Variants in RPS6KC1 observed in about 807,000 individuals in gnomAD.
RPS6KC1 encodes the protein ribosomal protein S6 kinase C1.
RPS6KC1 carries 54 observed loss-of-function variants against 103.8 expected under a neutral mutation model. The observed-to-expected ratio is 0.52, with a 90% CI of 0.42 to 0.65. The LOEUF (loss-of-function observed/expected upper bound fraction) is 0.65, where lower values mean the gene tolerates loss of function less well. Among genes scored for constraint, RPS6KC1 ranks in the 30% least tolerant of loss-of-function variants. The probability of loss-of-function intolerance (pLI) is 0.00; values close to 1 mark genes in which losing one functional copy is unlikely to be tolerated. For missense variants in RPS6KC1, 1,151 were observed against 1,253.8 expected, an observed-to-expected ratio of 0.92 and a Z score of 1.24; for synonymous variants, 439 against 438.7, an observed-to-expected ratio of 1.00 and a Z score of -0.01.
chr1:213,298,129 CTT>C, the RPS6KC1 span, among the ~76,000 whole-genome samples: 2 of 152,236 alleles, frequency 1.3e-5, no homozygotes, highest in Non-Finnish European at 2.9e-5. Flanking sequence ...TGTCCTGAGA[CTT>C]TGCTTCAACA....
chr1:213,655,131 C>T, the RPS6KC1 span, among the ~76,000 whole-genome samples: 8 of 152,256 alleles, frequency 5.3e-5, no homozygotes, highest in South Asian at 2.1e-4. Context: ...CAGCCTCCCC[C>T]TCCCAGGCTC....
At chr1:213,753,724 A>C in the RPS6KC1 span, among the ~76,000 whole-genome samples, 2 of 152,236 alleles carry the variant, frequency 1.3e-5, no homozygotes, top group East Asian at 1.9e-4. Context: ...GCTGGAAGGC[A>C]CATCTATTTC....
At chr1:213,139,310 G>C (rs1164876962) in intron 6 of RPS6KC1, among the ~76,000 whole-genome samples, 1 of 152,002 alleles carries the variant, frequency 6.6e-6, no homozygotes, top group African/African-American at 2.4e-5. Flanking sequence ...TGTTTATTCT[G>C]TTGATAGTTT....
At chr1:213,601,525 G>A in the RPS6KC1 span, among the ~76,000 whole-genome samples, 22 of 150,826 alleles carry the variant, frequency 1.5e-4, no homozygotes, top group African/African-American at 4.1e-4. Context: ...ATGCTGCTCC[G>A]ACACTTGGCC....
intron 12 of RPS6KC1, among the ~76,000 whole-genome samples, chr1:213,244,878 T>C (rs1391715758): frequency 6.6e-6 from 1 of 152,192 alleles, no homozygotes; most frequent in African/African-American, 2.4e-5. Context: ...GTTGTCATTA[T>C]TTGCATAAAA....
rs1281196785 is a variant in RPS6KC1 at position 213,109,831 on chromosome 1, G to GT, written c.378+5275dup. On this transcript the variant is annotated intron_variant, in intron 4 of 14. Transcript: ENST00000366960. ...CCTAGGAGTGGAATTTAGGTGGGAA[G>GT]TTTTTTTTTTTTTATTGGAGATTTA... is the stretch of plus-strand genomic sequence containing the variant. Among the ~76,000 whole-genome samples, 589 of 143,216 alleles carry GT rather than the reference G, an allele frequency of 4.1e-3. 1 individual carries two copies. The highest frequency in any genetic ancestry group is 5.2e-3 in the Admixed American group (75 of 14,340). The allele number at this position is 143,216 out of a possible 152,430, so 94.0% of individuals were successfully genotyped here.
chr1:213,852,353 C>CT, the RPS6KC1 span, among the ~76,000 whole-genome samples: 1 of 152,096 alleles, frequency 6.6e-6, no homozygotes, highest in Non-Finnish European at 1.5e-5. Flanking sequence ...ATCCACATTG[C>CT]TATTCTATGT....
the RPS6KC1 span, among the ~76,000 whole-genome samples, chr1:213,689,824 C>T: frequency 6.6e-6 from 1 of 152,192 alleles, no homozygotes; most frequent in Admixed American, 6.5e-5. Flanking sequence ...AATCATTTTA[C>T]CATAAATCTG....
the RPS6KC1 span, among the ~76,000 whole-genome samples, chr1:213,748,934 C>G: frequency 1.9e-3 from 283 of 152,250 alleles, 1 homozygote; most frequent in African/African-American, 6.4e-3. Flanking sequence ...TAATTATTGT[C>G]CAGAGAATGA....
the RPS6KC1 span, among the ~76,000 whole-genome samples, chr1:213,281,801 C>G: frequency 2.0e-5 from 3 of 152,184 alleles, no homozygotes; most frequent in Non-Finnish European, 4.4e-5. Flanking sequence ...CACCCCCACT[C>G]CCCAGGTGCC....
At chr1:213,692,569 G>A in the RPS6KC1 span, among the ~76,000 whole-genome samples, 2 of 152,096 alleles carry the variant, frequency 1.3e-5, no homozygotes, top group African/African-American at 4.8e-5. Flanking sequence ...CCTTGCGGTG[G>A]GCTGTCCACA....
chr1:213,317,612 G>T, the RPS6KC1 span, among the ~76,000 whole-genome samples: 1 of 152,060 alleles, frequency 6.6e-6, no homozygotes, highest in Non-Finnish European at 1.5e-5. Context: ...TTGGGGAGGG[G>T]GACAAAAACA....
At chr1:213,632,699 G>T in the RPS6KC1 span, among the ~76,000 whole-genome samples, 1 of 152,248 alleles carries the variant, frequency 6.6e-6, no homozygotes, top group Non-Finnish European at 1.5e-5. Context: ...GAATGACTTT[G>T]ATAAGTCGAC....
chr1:213,116,731 C>T (rs981004393), intron 4 of RPS6KC1, among the ~76,000 whole-genome samples: 1 of 151,404 alleles, frequency 6.6e-6, no homozygotes, highest in Non-Finnish European at 1.5e-5. Flanking sequence ...TTCAGGAGCT[C>T]TTTTAGGGCA....
intron 1 of RPS6KC1, among the ~76,000 whole-genome samples, chr1:213,064,331 A>T (rs2078102613): frequency 2.0e-5 from 3 of 148,850 alleles, no homozygotes; most frequent in Admixed American, 2.0e-4. Flanking sequence ...TGTTGGGATT[A>T]TAGGCGTGAG....
chr1:213,545,415 T>TAAATAAAA, the RPS6KC1 span, among the ~76,000 whole-genome samples: 164 of 89,968 alleles, frequency 1.8e-3, no homozygotes, highest in East Asian at 0.017. Flanking sequence ...AATAAATAAA[T>TAAATAAAA]AAAATAAAAT....
the RPS6KC1 span, among the ~76,000 whole-genome samples, chr1:213,563,972 C>CTTTTTTTTTTT: frequency 2.2e-5 from 3 of 134,390 alleles, no homozygotes; most frequent in Non-Finnish European, 4.7e-5. Context: ...TTGCTTACCT[C>CTTTTTTTTTTT]TTTTTTTTTT....
At chr1:213,714,710 C>T in the RPS6KC1 span, among the ~76,000 whole-genome samples, 1 of 152,246 alleles carries the variant, frequency 6.6e-6, no homozygotes, top group Non-Finnish European at 1.5e-5. Flanking sequence ...GCATCAACTT[C>T]CACCCTGGGA....
At chr1:213,754,759 T>C in the RPS6KC1 span, among the ~76,000 whole-genome samples, 1 of 152,196 alleles carries the variant, frequency 6.6e-6, no homozygotes, top group Non-Finnish European at 1.5e-5. Flanking sequence ...TTTACAGCAG[T>C]GCAAGAACAG....
Sources: gnomAD v4.1 joint callset for allele counts (sites outside exome capture counted in the v4.1 genomes callset) on GRCh38, gnomAD v4.1.1 for gene constraint, MANE v1.5 for transcripts, NCBI Gene and HGNC (gene_info 2026-07-23, HGNC 2026-07-21) for gene names.